Variants in UBE2O observed in about 807,000 individuals in gnomAD.
UBE2O encodes ubiquitin conjugating enzyme E2 O.
A neutral mutation model predicts 125.8 loss-of-function variants in UBE2O; 15 were observed. That is an observed-to-expected ratio of 0.12 (90% confidence interval 0.08 to 0.18). UBE2O has a LOEUF of 0.18. Ranked by LOEUF, UBE2O falls within the 10% of genes least tolerant of loss-of-function variation. The pLI is 1.00. For synonymous variants in UBE2O, 708 were observed against 703.2 expected, an observed-to-expected ratio of 1.01 and a Z score of -0.11; for missense variants, 1,280 against 1,723.6, an observed-to-expected ratio of 0.74 and a Z score of 4.56.
At chr17:76,401,216 C>T in intron 5 of UBE2O, 62 bp from the exon 6 acceptor site, 1 of 1,579,390 alleles carries the variant, frequency 6.3e-7, no homozygotes, top group Non-Finnish European at 8.6e-7. Context: ...TGACCATGCT[C>T]TCCACGCCTG....
intron 1 of UBE2O, among the ~76,000 whole-genome samples, chr17:76,416,880 T>C (rs1245582807): frequency 1.3e-5 from 2 of 152,148 alleles, no homozygotes; most frequent in Non-Finnish European, 2.9e-5. Context: ...TCATGGAGAC[T>C]GGGAGGAGTT....
In UBE2O at chr17:76,429,879, G is replaced by C. The variant is rs2072876007; in HGVS notation, c.417+22846C>G. Reference sequence around the variant, plus strand: ...TACCCTGCCCCTTGCTCTGCCCAAGGTACCTCAATCTGGTGCATAAGCCTC... The same window carrying C: ...TACCCTGCCCCTTGCTCTGCCCAAGCTACCTCAATCTGGTGCATAAGCCTC... On this transcript the variant is annotated intron_variant, in intron 1 of 17. Coordinates refer to ENST00000319380, the MANE Select transcript of UBE2O (RefSeq NM_022066.4). 2.0e-5 allele frequency among the ~76,000 whole-genome samples: 3 copies of C among 151,634 alleles called. No homozygotes were observed. The South Asian group carries it at 6.2e-4, about 32-fold the overall frequency.
rs868619552 is a variant in UBE2O, at chr17:76,401,809, G to A, written c.750+255C>T. On this transcript the variant is annotated intron_variant, in intron 5 of 17. Transcript: ENST00000319380. ...AAGAATCACTTGAACCCGGGAGGTG[G>A]AGGTTGCAGTGAGCCGAGATCGCAC... is the stretch of plus-strand genomic sequence containing the variant. 3 of 286,612 alleles carry A rather than the reference G, an allele frequency of 1.0e-5. 1 individual carries two copies. In the South Asian group the frequency reaches 2.9e-4, roughly 28 times the overall value. The allele number at this position is 286,612 out of a possible 1,614,324, so 17.8% of individuals were successfully genotyped here.
intron 1 of UBE2O, among the ~76,000 whole-genome samples, chr17:76,445,733 G>A (rs1265872807): frequency 1.3e-5 from 2 of 152,222 alleles, no homozygotes; most frequent in Admixed American, 6.5e-5. Context: ...GAGTTATCCA[G>A]TAACACAATT....
intron 1 of UBE2O, among the ~76,000 whole-genome samples, chr17:76,415,559 C>T (rs1382077207): frequency 6.6e-6 from 1 of 152,194 alleles, no homozygotes; most frequent in Non-Finnish European, 1.5e-5. Flanking sequence ...AATCCCAGCA[C>T]TTTGAGAGGG....
intron 1 of UBE2O, among the ~76,000 whole-genome samples, chr17:76,451,082 C>A (rs1049912560): frequency 6.6e-6 from 1 of 152,198 alleles, no homozygotes; most frequent in Admixed American, 6.5e-5. Flanking sequence ...CAGTAGTGAG[C>A]TGGGCCTACC....
intron 1 of UBE2O, among the ~76,000 whole-genome samples, chr17:76,423,841 G>C (rs1297816498): frequency 6.6e-6 from 1 of 151,238 alleles, no homozygotes; most frequent in Admixed American, 6.6e-5. Context: ...GAACACAGGA[G>C]AGGAGACTTC....
intron 1 of UBE2O, among the ~76,000 whole-genome samples, chr17:76,442,070 T>C (rs1459503985): frequency 1.4e-5 from 2 of 145,882 alleles, no homozygotes; most frequent in Non-Finnish European, 3.1e-5. Context: ...CTGCCATTTG[T>C]CAAGTGCTTT....
At position 76,400,502 on chromosome 17, in the gene UBE2O, G is replaced by A; in HGVS notation, c.943C>T (p.Pro315Ser). ...KVTWITKSFCPGGTDSVSPPP... is the reference protein window; with the variant it reads ...KVTWITKSFCSGGTDSVSPPP... ...GGGCTGACGCTGTCCGTGCCCCCTG[G>A]ACAGAAACTCTTGGTAATCCATGTA... The change falls in exon 7 of 18, where the codon CCA (proline) becomes TCA (serine). Residue 315 changes from proline to serine, a missense_variant. Transcript: ENST00000319380. This position sits in a 1 kb window ranked among gnomAD's most constrained non-coding sequence, Gnocchi z 4.3. The A allele has an allele frequency of 6.2e-7, 1 of 1,613,518 alleles. No individual in the cohort carries two copies. The highest frequency in any genetic ancestry group is 8.5e-7 in the Non-Finnish European group (1 of 1,179,852).
Position 76,395,653 on chromosome 17 carries a change from A to C in UBE2O, c.2946+72T>G. On this transcript the variant is annotated intron_variant, in intron 15 of 17. Transcript: ENST00000319380. This position sits in a 1 kb window ranked among gnomAD's most constrained non-coding sequence, Gnocchi z 5.0. The stretch of plus-strand genomic sequence containing the variant: ...GTCAGCCCCGGAGGTTTGGGGACCC[A>C]AGGTTGGTGGCCTCTTGGGCACTGG... 6.5e-7 allele frequency: 1 copy of C among 1,540,038 alleles called. No individual in the cohort carries two copies. Among genetic ancestry groups the C allele is most frequent in the Non-Finnish European group, 8.7e-7 (1 of 1,146,552 alleles).
At position 76,453,009 on chromosome 17, in the gene UBE2O, C is replaced by G; in HGVS notation, c.133G>C (p.Gly45Arg). The G allele has an allele frequency of 1.4e-6, 2 of 1,477,144 alleles. No homozygotes were observed. Among genetic ancestry groups the G allele is most frequent in the Non-Finnish European group, 1.8e-6 (2 of 1,113,770 alleles). The allele number at this position is 1,477,144 out of a possible 1,614,324, so 91.5% of individuals were successfully genotyped here. Residue 45 changes from glycine (G) to arginine (R), a missense_variant, in exon 1 of 18, where the codon GGG (glycine) becomes CGG (arginine). Gly to Arg is a moderately radical substitution (Grantham distance 125, BLOSUM62 -2). This residue lies in a region of UBE2O where 188 missense variants were observed against 192.5 expected (regional missense o/e 0.98). Transcript: ENST00000319380. ...TCTGGGCCGGAGTCCGAGGACGGCC[C>G]GGAGGCCGAGTCCGAGGCGGGCGCC... ...APAPASDSAS[G>R]PSSDSGPEAG... is the part of the protein sequence containing the mutation.
chr17:76,419,560 G>C (rs1388023676), intron 1 of UBE2O, among the ~76,000 whole-genome samples: 1 of 152,120 alleles, frequency 6.6e-6, no homozygotes, highest in Non-Finnish European at 1.5e-5. Flanking sequence ...CCTTGGGAAA[G>C]ACACAGAGGC....
chr17:76,404,704 G>T lies in UBE2O; in HGVS notation c.588+502C>A, dbSNP rs2072386433. ...ACACACAAGAGGTGTGTGTATTCCGGGGTGGGTGACAGGGCATCACATCTA... is the reference window on the plus strand; with the variant it reads ...ACACACAAGAGGTGTGTGTATTCCGTGGTGGGTGACAGGGCATCACATCTA... On this transcript the variant is annotated intron_variant, in intron 3 of 17. Transcript: ENST00000319380. This position sits in a 1 kb window ranked among gnomAD's most constrained non-coding sequence, Gnocchi z 4.3. 6.6e-6 allele frequency among the ~76,000 whole-genome samples: 1 copy of T among 152,122 alleles called. No homozygotes were observed. The highest frequency in any genetic ancestry group is 2.4e-5 in the African/African-American group (1 of 41,414).
Position 76,398,693 on chromosome 17 carries a change from T to C in UBE2O, c.1784-109A>G, listed in dbSNP as rs1427760039. ...CCCTGACCTTCCCCCGTCTTGGAAG[T>C]GGTGAGACCCCTTCATGAGGGCAGT... On this transcript the variant is annotated intron_variant, in intron 10 of 17. Transcript: ENST00000319380. The surrounding 1 kb of genome is among the most constrained non-coding windows in gnomAD (Gnocchi z 5.4). 3 of 1,438,352 alleles carry C rather than the reference T, an allele frequency of 2.1e-6. No homozygotes were observed. Among genetic ancestry groups the C allele is most frequent in the Non-Finnish European group, 2.9e-6 (3 of 1,040,476 alleles). 89.1% of individuals were successfully genotyped at this position (1,438,352 alleles called of 1,614,324 possible). A position where few individuals can be genotyped will look rare whatever the true frequency, so the allele number is the denominator to read the frequency against.
At chr17:76,439,467 A>G (rs1195818070) in intron 1 of UBE2O, among the ~76,000 whole-genome samples, 9 of 152,142 alleles carry the variant, frequency 5.9e-5, no homozygotes, top group Non-Finnish European at 1.0e-4. Context: ...CATCCTCTCC[A>G]AAGTCTGCAG....
chr17:76,441,085 C>G (rs982197068), intron 1 of UBE2O, among the ~76,000 whole-genome samples: 8 of 152,218 alleles, frequency 5.3e-5, no homozygotes, highest in African/African-American at 1.7e-4. Flanking sequence ...TAAGCTTTCT[C>G]TGGGTTTCAG....
Position 76,453,118 on chromosome 17 carries a change from C to T in UBE2O, c.24G>A (p.Thr8=), listed in dbSNP as rs2073288612. 2.5e-6 allele frequency: 2 copies of T among 787,698 alleles called. No homozygotes were observed. Among genetic ancestry groups the T allele is most frequent in the Non-Finnish European group, 1.8e-6 (1 of 561,844 alleles). The allele number at this position is 787,698 out of a possible 1,614,324, so 48.8% of individuals were successfully genotyped here. ...CCTGGGCTGGAGCGGGAGCTGCGGG[C>T]GTGGGGGCTGCGGGATCCGCCATAA... MADPAAP[T]PAAPAPAQAP... is the part of the protein sequence containing the mutation. Residue 8 remains threonine (T), a synonymous_variant, in exon 1 of 18, where the codon ACG becomes ACA. Transcript: ENST00000319380.
chr17:76,444,794 C>T (rs1177057075), intron 1 of UBE2O, among the ~76,000 whole-genome samples: 1 of 152,202 alleles, frequency 6.6e-6, no homozygotes, highest in East Asian at 1.9e-4. Flanking sequence ...ATGTCATCAA[C>T]CTTCAGGGCC....
rs773413223 is a variant in UBE2O at position 76,405,330 on chromosome 17, G to T, written c.478-14C>A. 1 of 1,600,982 alleles carries T rather than the reference G, an allele frequency of 6.2e-7. No individual in the cohort carries two copies. The highest frequency in any genetic ancestry group is 1.7e-5 in the Admixed American group (1 of 59,310). ...ACACTGACTGTCCTGGGGGAGGGAGGAGACATGCAAGTCCCGTGGTGCAGC... is the reference window on the plus strand; with the variant it reads ...ACACTGACTGTCCTGGGGGAGGGAGTAGACATGCAAGTCCCGTGGTGCAGC... On this transcript the variant is annotated splice_polypyrimidine_tract_variant and intron_variant, in intron 2 of 17. Coordinates refer to ENST00000319380, the MANE Select transcript of UBE2O (RefSeq NM_022066.4). The surrounding 1 kb of genome is among the most constrained non-coding windows in gnomAD (Gnocchi z 6.1).
Sources: gnomAD v4.1 joint callset for allele counts (sites outside exome capture counted in the v4.1 genomes callset) on GRCh38, gnomAD v4.1.1 for gene constraint, gnomAD v4.1.1 regional missense constraint, Gnocchi (gnomAD v3.1) non-coding constraint, MANE v1.5 for transcripts, NCBI Gene and HGNC (gene_info 2026-07-23, HGNC 2026-07-21) for gene names.